PCGF3: variants seen among roughly 807,000 people sequenced by gnomAD.
The protein encoded by PCGF3 is polycomb group RING finger protein 3.
PCGF3 carries 7 observed loss-of-function variants against 33.1 expected under a neutral mutation model. That is an observed-to-expected ratio of 0.21 (90% CI 0.12 to 0.40). The LOEUF (loss-of-function observed/expected upper bound fraction) is 0.40. PCGF3 is among the 10% of genes least tolerant of loss of function. The pLI is 1.00. For missense variants in PCGF3, 211 were observed against 313.3 expected, an observed-to-expected ratio of 0.67 and a Z score of 2.46; for synonymous variants, 153 against 121.3, an observed-to-expected ratio of 1.26 and a Z score of -1.72.
At chr4:705,930 C>T (rs979099081) in exon 1 of PCGF3, 2 of 152,210 alleles carry the variant, frequency 1.3e-5, no homozygotes, top group African/African-American at 4.8e-5. Context: ...CCGGCGCGGA[C>T]CCCGCGTGCG....
intron 6 of PCGF3, among the ~76,000 whole-genome samples, chr4:737,801 C>T (rs1743901284): frequency 6.6e-6 from 1 of 152,216 alleles, no homozygotes; most frequent in African/African-American, 2.4e-5. Flanking sequence ...GCTCCTGCCC[C>T]TCCCAGGACC....
intron 6 of PCGF3, among the ~76,000 whole-genome samples, chr4:742,077 C>T (rs1317431091): frequency 6.6e-6 from 1 of 152,064 alleles, no homozygotes; most frequent in Non-Finnish European, 1.5e-5. Context: ...ACTCCATCCA[C>T]CTGCGGCCGG....
intron 8 of PCGF3, chr4:757,780 T>C (rs1744831932): frequency 6.6e-6 from 1 of 152,240 alleles, no homozygotes; most frequent in Admixed American, 6.5e-5. Flanking sequence ...GTAACTTTCT[T>C]TAATCTCTTT....
At chr4:742,891 C>T (rs895392314) in intron 6 of PCGF3, among the ~76,000 whole-genome samples, 4 of 152,348 alleles carry the variant, frequency 2.6e-5, no homozygotes, top group African/African-American at 2.4e-5. Context: ...TGGACTCAGG[C>T]GCCTGGGACA....
intron 8 of PCGF3, among the ~76,000 whole-genome samples, chr4:754,250 T>C (rs1744666503): frequency 6.6e-6 from 1 of 152,150 alleles, no homozygotes; most frequent in Non-Finnish European, 1.5e-5. Flanking sequence ...GGCTCTTGTG[T>C]CTGGAGCTGG....
At chr4:727,485 C>T (rs185246861) in intron 1 of PCGF3, among the ~76,000 whole-genome samples, 3 of 152,094 alleles carry the variant, frequency 2.0e-5, no homozygotes, top group Admixed American at 6.5e-5. Flanking sequence ...CATGATCTGC[C>T]AGCCTCGGCC....
chr4:750,700 C>T (rs1435322450), intron 8 of PCGF3, among the ~76,000 whole-genome samples: 1 of 152,124 alleles, frequency 6.6e-6, no homozygotes, highest in African/African-American at 2.4e-5. Context: ...CATCCAAGTC[C>T]GGTCGTTTTT....
At chr4:734,601 T>C (rs1446205365) in intron 4 of PCGF3, 1 of 1,177,332 alleles carries the variant, frequency 8.5e-7, no homozygotes, top group Non-Finnish European at 1.1e-6. Flanking sequence ...GACAAAGTAT[T>C]GTAAAATTAT....
At position 721,518 on chromosome 4, in the gene PCGF3, G is replaced by T. The variant is rs931365430; in HGVS notation, c.-189-9112G>T. On this transcript the variant is annotated intron_variant, in intron 1 of 10. Coordinates refer to ENST00000362003, the Ensembl canonical transcript of PCGF3. The surrounding 1 kb of genome is among the most constrained non-coding windows in gnomAD (Gnocchi z 4.1). ...GGGTGGAGAGCGGAAGAGAGAGGGAGTCGGTGCCTTAGGAGGCTGCGGGCG... is the reference window on the plus strand; with the variant it reads ...GGGTGGAGAGCGGAAGAGAGAGGGATTCGGTGCCTTAGGAGGCTGCGGGCG... Among the ~76,000 whole-genome samples, 1 of 152,112 alleles carries T rather than the reference G, an allele frequency of 6.6e-6. No homozygotes were observed. Among genetic ancestry groups the T allele is most frequent in the Non-Finnish European group, 1.5e-5 (1 of 68,022 alleles).
exon 11 of PCGF3, chr4:767,899 C>T (rs1745450246): frequency 6.6e-6 from 1 of 152,606 alleles, no homozygotes; most frequent in African/African-American, 2.4e-5. Context: ...TCTGTACAAC[C>T]GTGTGTTATC....
intron 6 of PCGF3, among the ~76,000 whole-genome samples, chr4:738,642 G>C (rs1255961946): frequency 6.6e-6 from 1 of 150,600 alleles, no homozygotes; most frequent in Non-Finnish European, 1.5e-5. Context: ...CAGGTCAAGA[G>C]TTTGAGACCA....
chr4:729,166 G>A (rs1305192031), intron 1 of PCGF3, among the ~76,000 whole-genome samples: 3 of 142,232 alleles, frequency 2.1e-5, no homozygotes, highest in African/African-American at 5.3e-5. Flanking sequence ...TGTAATCTCA[G>A]CACTTTGGGA....
intron 1 of PCGF3, among the ~76,000 whole-genome samples, chr4:723,184 G>T (rs114660230): frequency 2.0e-5 from 3 of 152,070 alleles, no homozygotes; most frequent in Admixed American, 2.0e-4. Flanking sequence ...ATCGCCATCC[G>T]CGCGGGGATG....
At chr4:743,554 G>T in exon 7 of PCGF3, 1 of 1,611,206 alleles carries the variant, frequency 6.2e-7, no homozygotes, top group East Asian at 2.2e-5. Flanking sequence ...GACCTGCTCT[G>T]CAAAACAGCA....
intron 8 of PCGF3, among the ~76,000 whole-genome samples, chr4:750,090 C>T (rs1560212410): frequency 6.6e-6 from 1 of 152,252 alleles, no homozygotes; most frequent in East Asian, 1.9e-4. Flanking sequence ...CAGGCGTGAG[C>T]CCACGTGCCC....
intron 5 of PCGF3, 142 bp downstream of exon 5, chr4:735,169 C>G: frequency 1.1e-6 from 1 of 913,806 alleles, no homozygotes; most frequent in Non-Finnish European, 1.6e-6. Context: ...ACCCCAGGAG[C>G]TGCACACGAA....
rs1015796401 is a variant in PCGF3 at position 734,499 on chromosome 4, C to T, written c.110-432C>T. On this transcript the variant is annotated intron_variant, in intron 4 of 10. Transcript: ENST00000362003. ...ATAGAATTTTGACTTTAACGTTAATCGTATTTTTAGATATTGGTTAGCATA... is the reference window on the plus strand; with the variant it reads ...ATAGAATTTTGACTTTAACGTTAATTGTATTTTTAGATATTGGTTAGCATA... 4.5e-5 allele frequency: 54 copies of T among 1,205,234 alleles called. No homozygotes were observed. In the Admixed American group the frequency reaches 5.2e-4, roughly 12 times the overall value. The allele number at this position is 1,205,234 out of a possible 1,614,324, so 74.7% of individuals were successfully genotyped here. A position where few individuals can be genotyped will look rare whatever the true frequency, so the allele number is the denominator to read the frequency against.
intron 2 of PCGF3, 83 bp from the exon 3 acceptor site, chr4:730,887 C>G (rs1424953965): frequency 7.6e-6 from 3 of 397,022 alleles, no homozygotes; most frequent in Non-Finnish European, 1.3e-5. Context: ...GGCTTGGTTG[C>G]AAGTTCCAGT....
chr4:761,619 G>A (rs2152621958), intron 9 of PCGF3: 2 of 969,988 alleles, frequency 2.1e-6, no homozygotes, highest in Admixed American at 1.2e-4. Context: ...CAGGGAACGT[G>A]GAATGCTACT....
Sources: gnomAD v4.1 joint callset for allele counts (sites outside exome capture counted in the v4.1 genomes callset) on GRCh38, gnomAD v4.1.1 for gene constraint, Gnocchi (gnomAD v3.1) non-coding constraint, MANE v1.5 for transcripts, NCBI Gene and HGNC (gene_info 2026-07-23, HGNC 2026-07-21) for gene names.